TPCN1: variants seen among roughly 807,000 people sequenced by gnomAD.
The protein encoded by TPCN1 is two pore segment channel 1, also known as two pore channel protein 1.
TPCN1 carries 52 observed loss-of-function variants against 108.8 expected under a neutral mutation model. The ratio of observed to expected loss-of-function variants is 0.48; its 90% CI spans 0.38 to 0.60. The LOEUF is 0.60. Among genes scored for constraint, TPCN1 ranks in the 20% least tolerant of loss-of-function variants. TPCN1 has a pLI of 0.00. For synonymous variants in TPCN1, 446 were observed against 433.7 expected (o/e 1.03, Z -0.35); for missense variants, 806 against 1,072.8 (o/e 0.75, Z 3.47).
rs769366915 is a variant in TPCN1 at position 113,260,476 on chromosome 12, C to T, written c.221C>T (p.Ala74Val). ...AACTGGGAGATGAATTACCAAGAGG[C>T]AGCAATCTACCTCCAGGTGAGTATC... Reference protein sequence around the residue: ...AHNWEMNYQEAAIYLQEGENN... With the variant: ...AHNWEMNYQEVAIYLQEGENN... The change falls in exon 3 of 28, where the codon GCA becomes GTA. Residue 74 changes from alanine to valine, a missense_variant. Ala to Val is a moderately conservative substitution (Grantham distance 64). Transcript: ENST00000335509. 1 of 1,572,736 alleles carries T rather than the reference C, an allele frequency of 6.4e-7. No homozygotes were observed. Among genetic ancestry groups the T allele is most frequent in the Non-Finnish European group, 8.6e-7 (1 of 1,162,186 alleles).
rs765391789 is a variant in TPCN1 at position 113,266,129 on chromosome 12, C to T, written c.238-51C>T. 26 of 1,596,818 alleles carry T rather than the reference C, an allele frequency of 1.6e-5. No individual in the cohort carries two copies. The highest frequency in any genetic ancestry group is 9.0e-5 in the East Asian group (4 of 44,650). On this transcript the variant is annotated intron_variant, in intron 3 of 27. Transcript: ENST00000335509. The surrounding 1 kb of genome is among the most constrained non-coding windows in gnomAD (Gnocchi z 4.2). ...TCCCCTGCCCGCGGCTCCTCTTTGG[C>T]GTTGGATGGGTCTCCAGGCTTACAT...
At chr12:113,293,215 G>C in intron 26 of TPCN1, 54 bp from the exon 27 acceptor site, 3 of 1,607,594 alleles carry the variant, frequency 1.9e-6, no homozygotes, top group South Asian at 2.2e-5. Context: ...TGTGGCACCA[G>C]GGGTGGGACC....
intron 10 of TPCN1, among the ~76,000 whole-genome samples, chr12:113,274,098 A>G (rs1017232869): frequency 2.0e-5 from 3 of 152,232 alleles, no homozygotes; most frequent in Non-Finnish European, 2.9e-5. Flanking sequence ...ATCCTCTCAT[A>G]TATTTTAAAT....
chr12:113,235,957 A>C (rs931039600), intron 2 of TPCN1, among the ~76,000 whole-genome samples: 1 of 152,124 alleles, frequency 6.6e-6, no homozygotes, highest in African/African-American at 2.4e-5. Flanking sequence ...CATGTGCTGG[A>C]GTGGGTGGCA....
chr12:113,279,533 G>C (rs1352109353), intron 14 of TPCN1, among the ~76,000 whole-genome samples: 3 of 149,120 alleles, frequency 2.0e-5, no homozygotes, highest in African/African-American at 7.4e-5. Context: ...CGAGTAGCTG[G>C]GACTACAGGC....
Position 113,284,631 on chromosome 12 carries a change from C to T in TPCN1, c.1393C>T (p.Leu465=), listed in dbSNP as rs1277617103. Residue 465 remains leucine (L), a synonymous_variant, in exon 16 of 28, where the codon CTG becomes TTG. Transcript: ENST00000335509. The surrounding 1 kb of genome is among the most constrained non-coding windows in gnomAD (Gnocchi z 4.1). ...CTGGATCCTCGTGGAGACATTTATG[C>T]TGAAAGGTGAGCCCCGCTCAGGGAC... The part of the protein sequence containing the change: ...GVWILVETFM[L]KGGNFFSKHV... The T allele has an allele frequency of 6.2e-7, 1 of 1,614,230 alleles. No homozygotes were observed. Among genetic ancestry groups the T allele is most frequent in the Admixed American group, 1.7e-5 (1 of 60,020 alleles).
chr12:113,293,484 C>T lies in TPCN1; in HGVS notation c.2334+135C>T, dbSNP rs115611969. 3.4e-6 allele frequency: 3 copies of T among 878,174 alleles called. No individual in the cohort carries two copies. The African/African-American group carries it at 4.9e-5, about 14-fold the overall frequency. The allele number at this position is 878,174 out of a possible 1,614,324, so 54.4% of individuals were successfully genotyped here. ...TGCAGACCGTCCATCGGGACCACTGCTGGGGTTGTGTGGGACCTGAGCGGG... is the reference window on the plus strand; with the variant it reads ...TGCAGACCGTCCATCGGGACCACTGTTGGGGTTGTGTGGGACCTGAGCGGG... On this transcript the variant is annotated intron_variant, in intron 27 of 27. Transcript: ENST00000335509.
chr12:113,273,515 G>A lies in TPCN1; in HGVS notation c.843-54G>A. 1.4e-6 allele frequency: 2 copies of A among 1,427,688 alleles called. No homozygotes were observed. The highest frequency in any genetic ancestry group is 9.9e-7 in the Non-Finnish European group (1 of 1,010,582). 88.4% of individuals were successfully genotyped at this position (1,427,688 alleles called of 1,614,324 possible). The stretch of plus-strand genomic sequence containing the variant: ...CTGTCCTCTGCAAGGCATGTGCTCT[G>A]AGAGGATGGAGACAGGCAGATACAG... On this transcript the variant is annotated intron_variant, in intron 9 of 27. Transcript: ENST00000335509. The surrounding 1 kb of genome is among the most constrained non-coding windows in gnomAD (Gnocchi z 4.0).
chr12:113,266,433 C>T lies in TPCN1; in HGVS notation c.414+77C>T. 1 of 1,556,334 alleles carries T rather than the reference C, an allele frequency of 6.4e-7. No homozygotes were observed. The highest frequency in any genetic ancestry group is 8.7e-7 in the Non-Finnish European group (1 of 1,149,910). ...CAAGCGATGGAACTCCAAAAAGGAA[C>T]ATTCTGGGAGGGCAAACACTGCAAA... On this transcript the variant is annotated intron_variant, in intron 4 of 27. Transcript: ENST00000335509. The surrounding 1 kb of genome is among the most constrained non-coding windows in gnomAD (Gnocchi z 4.2).
rs111501174 is a variant in TPCN1 at position 113,258,979 on chromosome 12, A to AT, written c.113-1372dup. Among the ~76,000 whole-genome samples the AT allele has an allele frequency of 4.8e-3, 675 of 141,114 alleles. 1 individual carries two copies. The highest frequency in any genetic ancestry group is 4.9e-3 in the East Asian group (24 of 4,884). 92.6% of individuals were successfully genotyped at this position (141,114 alleles called of 152,430 possible). A position where few individuals can be genotyped will look rare whatever the true frequency, so the allele number is the denominator to read the frequency against. ...GCAAATCCCAGTATCAAAACATTAG[A>AT]TTTTTTTTTTTTTTTTTGAGACGGA... On this transcript the variant is annotated intron_variant, in intron 2 of 27. Coordinates refer to ENST00000335509, the MANE Select transcript of TPCN1 (RefSeq NM_017901.6).
chr12:113,240,871 C>T (rs1257725229), intron 2 of TPCN1, among the ~76,000 whole-genome samples: 2 of 151,940 alleles, frequency 1.3e-5, no homozygotes, highest in Non-Finnish European at 2.9e-5. Context: ...CTCAGCTTCC[C>T]GAGTAGCTGG....
At chr12:113,229,203 A>G (rs1429911947) in intron 2 of TPCN1, among the ~76,000 whole-genome samples, 1 of 152,254 alleles carries the variant, frequency 6.6e-6, no homozygotes, top group Admixed American at 6.5e-5. Context: ...AAAGAAATGT[A>G]TAACTAACTG....
intron 2 of TPCN1, among the ~76,000 whole-genome samples, chr12:113,251,835 C>T (rs1954646660): frequency 6.6e-6 from 1 of 152,204 alleles, no homozygotes; most frequent in Non-Finnish European, 1.5e-5. Flanking sequence ...CGTGAGACTT[C>T]GGCCTTACCC....
intron 3 of TPCN1, among the ~76,000 whole-genome samples, chr12:113,265,581 C>G (rs1158166426): frequency 6.9e-6 from 1 of 145,654 alleles, no homozygotes; most frequent in African/African-American, 2.5e-5. Context: ...AGGTCTTGCT[C>G]TGTGGTCCAG....
At chr12:113,260,234 T>G (rs370051132) in intron 2 of TPCN1, 134 bp from the exon 3 acceptor site, 4 of 987,162 alleles carry the variant, frequency 4.1e-6, no homozygotes, top group African/African-American at 3.4e-5. Flanking sequence ...GTACACAGCA[T>G]GGAGGTTGAT....
chr12:113,279,461 G>A (rs1449099803), intron 14 of TPCN1, among the ~76,000 whole-genome samples: 1 of 137,368 alleles, frequency 7.3e-6, no homozygotes, highest in Admixed American at 7.8e-5. Context: ...GTGCCGTGGT[G>A]CGATCTCGCT....
intron 21 of TPCN1, 46 bp from the exon 22 acceptor site, chr12:113,290,082 G>A (rs1455442779): frequency 7.9e-7 from 1 of 1,260,218 alleles, no homozygotes; most frequent in South Asian, 1.3e-5. Flanking sequence ...GGAGGTGACT[G>A]ATCGCCTTGT....
chr12:113,292,047 C>G, intron 25 of TPCN1, 89 bp downstream of exon 25: 1 of 1,132,296 alleles, frequency 8.8e-7, no homozygotes. Flanking sequence ...AGCCAGCCAT[C>G]AGGCTGTCAT....
rs778105814 is a variant in TPCN1, at chr12:113,288,358, C to T, written c.1706+124C>T. The T allele has an allele frequency of 3.1e-5, 48 of 1,525,036 alleles. No individual in the cohort carries two copies. Among genetic ancestry groups the T allele is most frequent in the Middle Eastern group, 1.7e-4 (1 of 5,918 alleles). 94.5% of individuals were successfully genotyped at this position (1,525,036 alleles called of 1,614,324 possible). On this transcript the variant is annotated intron_variant, in intron 20 of 27. Coordinates refer to ENST00000335509, the MANE Select transcript of TPCN1 (RefSeq NM_017901.6). This position sits in a 1 kb window ranked among gnomAD's most constrained non-coding sequence, Gnocchi z 4.8. ...CAAAGGACTGCAATCGAGGGCCTGA[C>T]GGGGCTCCAAGGAGCCTGGAATCTT...
Sources: allele counts gnomAD v4.1 joint callset (sites outside exome capture counted in the v4.1 genomes callset), GRCh38; gene constraint gnomAD v4.1.1; non-coding constraint Gnocchi (gnomAD v3.1); transcripts MANE v1.5; gene names NCBI Gene and HGNC (gene_info 2026-07-23, HGNC 2026-07-21).